TMC1: variants seen among roughly 807,000 people sequenced by gnomAD.
TMC1 encodes the protein transmembrane channel-like protein 1.
TMC1 carries 84 observed loss-of-function variants against 105.8 expected under a neutral mutation model. The observed-to-expected ratio is 0.79, with a 90% CI of 0.67 to 0.95. TMC1 has a LOEUF of 0.95. Ranked by LOEUF, TMC1 falls within the 40% of genes least tolerant of loss-of-function variation. The pLI is 0.00. For missense variants in TMC1, 817 were observed against 914.1 expected (o/e 0.89, Z 1.37); for synonymous variants, 315 against 311.5 (o/e 1.01, Z -0.12).
At chr9:72,554,151 G>A (rs1041256216) in intron 1 of TMC1, among the ~76,000 whole-genome samples, 5 of 151,944 alleles carry the variant, frequency 3.3e-5, no homozygotes, top group Non-Finnish European at 7.4e-5. Flanking sequence ...AAGCACTGAC[G>A]GATTTATTCT....
At chr9:72,711,227 T>C (rs1826829953) in intron 8 of TMC1, among the ~76,000 whole-genome samples, 1 of 152,212 alleles carries the variant, frequency 6.6e-6, no homozygotes, top group Non-Finnish European at 1.5e-5. Flanking sequence ...GCAGTAAACA[T>C]ACGTGTGCAT....
intron 14 of TMC1, 80 bp from the exon 15 acceptor site, chr9:72,789,043 T>C: frequency 7.3e-7 from 1 of 1,370,506 alleles, no homozygotes; most frequent in South Asian, 1.2e-5. Context: ...AAATAACTTT[T>C]GAGGTTTTGA....
intron 23 of TMC1, among the ~76,000 whole-genome samples, chr9:72,834,714 A>T (rs1371359456): frequency 6.6e-6 from 1 of 151,734 alleles, no homozygotes; most frequent in Non-Finnish European, 1.5e-5. Flanking sequence ...TCTCTGTTTT[A>T]CTCTTTTTAG....
At chr9:72,792,427 G>A in intron 17 of TMC1, 75 bp downstream of exon 17, 2 of 1,586,116 alleles carry the variant, frequency 1.3e-6, no homozygotes, top group Non-Finnish European at 1.7e-6. Flanking sequence ...CATAAGATTG[G>A]CTTTTAAAAA....
At chr9:72,532,507 C>T (rs1226616663) in intron 1 of TMC1, among the ~76,000 whole-genome samples, 2 of 135,444 alleles carry the variant, frequency 1.5e-5, no homozygotes, top group Admixed American at 1.7e-4. Context: ...TGCCACTGTA[C>T]TCCAGCCTGG....
chr9:72,577,703 A>G (rs1378818020), intron 1 of TMC1, 199 bp from the exon 2 acceptor site: 2 of 151,812 alleles, frequency 1.3e-5, no homozygotes, highest in African/African-American at 4.8e-5. Flanking sequence ...AGTATCCGGC[A>G]TATTGTGTGG....
intron 2 of TMC1, among the ~76,000 whole-genome samples, chr9:72,606,743 A>G (rs1824920360): frequency 6.6e-6 from 1 of 152,150 alleles, no homozygotes; most frequent in Non-Finnish European, 1.5e-5. Context: ...CTAAATAAAA[A>G]GCACCAGGAG....
At chr9:72,824,976 T>C (rs1296683366) in intron 20 of TMC1, among the ~76,000 whole-genome samples, 1 of 152,232 alleles carries the variant, frequency 6.6e-6, no homozygotes, top group East Asian at 1.9e-4. Flanking sequence ...GGTTTTTTAG[T>C]ATTAAAAGTT....
At chr9:72,580,785 T>G (rs572686664) in intron 2 of TMC1, among the ~76,000 whole-genome samples, 1 of 152,322 alleles carries the variant, frequency 6.6e-6, no homozygotes, top group East Asian at 1.9e-4. Context: ...AAAATTCCAT[T>G]TAACATTAAA....
chr9:72,622,194 C>A (rs566156249), intron 3 of TMC1, among the ~76,000 whole-genome samples: 6 of 152,324 alleles, frequency 3.9e-5, no homozygotes, highest in African/African-American at 1.4e-4. Flanking sequence ...TTCAGCCTGT[C>A]CATACCCTCC....
intron 2 of TMC1, among the ~76,000 whole-genome samples, chr9:72,587,157 TA>T (rs1296524127): frequency 7.8e-6 from 1 of 128,336 alleles, no homozygotes; most frequent in Non-Finnish European, 1.6e-5. Context: ...ATGTAACAGA[TA>T]ACTTTTTTTT....
In TMC1 at chr9:72,788,415, T is replaced by C. The variant is rs1298947515; in HGVS notation, c.961T>C (p.Trp321Arg). ...TTTCAGCTGGAAGGTCTTTACCAGC[T>C]GGGACTACCTGATCGGCAATCCTGA... ...FNFSWKVFTS[W>R]DYLIGNPETA... Residue 321 changes from tryptophan to arginine, a missense_variant, in exon 14 of 24, where the codon TGG becomes CGG. By Grantham distance (101) the Trp-to-Arg change is moderately radical (BLOSUM62 -3). Transcript: ENST00000297784. 3 of 1,613,930 alleles carry C rather than the reference T, an allele frequency of 1.9e-6. No individual in the cohort carries two copies. The African/African-American group carries it at 4.0e-5, about 22-fold the overall frequency.
In TMC1 at chr9:72,751,935, T is replaced by A. The variant is rs1827586458; in HGVS notation, c.621T>A (p.Phe207Leu). Residue 207 changes from phenylalanine to leucine, a missense_variant, in exon 11 of 24, where the codon TTT becomes TTA. Physicochemically the swap from Phe to Leu is conservative, Grantham distance 22 (BLOSUM62 0). Transcript: ENST00000297784. Reference protein sequence around the residue: ...GVNMVLFILTFSLIMLPEYLW... With the variant: ...GVNMVLFILTLSLIMLPEYLW... ...ATATGGTTCTCTTTATCCTGACATT[T>A]AGCCTCATCATGTTGCCAGAGGTGA... 1 of 1,611,832 alleles carries A rather than the reference T, an allele frequency of 6.2e-7. No homozygotes were observed. The highest frequency in any genetic ancestry group is 1.1e-5 in the South Asian group (1 of 91,042).
At chr9:72,626,549 G>C (rs1389548622) in intron 3 of TMC1, among the ~76,000 whole-genome samples, 2 of 152,248 alleles carry the variant, frequency 1.3e-5, no homozygotes, top group Non-Finnish European at 2.9e-5. Context: ...CAAGGAGACA[G>C]AGAAGGAGTG....
At chr9:72,578,627 C>T (rs12344734) in intron 2 of TMC1, among the ~76,000 whole-genome samples, 29 of 152,078 alleles carry the variant, frequency 1.9e-4, no homozygotes, top group South Asian at 1.9e-3. Flanking sequence ...TGTGCTCTGA[C>T]GAGCTAGTGA....
intron 3 of TMC1, among the ~76,000 whole-genome samples, chr9:72,624,363 C>T (rs1458194240): frequency 1.3e-5 from 2 of 152,102 alleles, no homozygotes; most frequent in Non-Finnish European, 2.9e-5. Context: ...GTGAGATCTG[C>T]TTTGTGTTTA....
At chr9:72,750,166 G>A (rs1038037557) in intron 10 of TMC1, among the ~76,000 whole-genome samples, 3 of 152,128 alleles carry the variant, frequency 2.0e-5, no homozygotes, top group African/African-American at 7.2e-5. Context: ...ACTGTCCTGT[G>A]AGGCCGGCCT....
chr9:72,682,718 A>C (rs952526517), intron 5 of TMC1, among the ~76,000 whole-genome samples: 2 of 152,204 alleles, frequency 1.3e-5, no homozygotes, highest in Non-Finnish European at 2.9e-5. Context: ...GTGTTATCAT[A>C]AATTCAGAGT....
chr9:72,786,465 AAAACAAAAC>A (rs1332478627), intron 13 of TMC1, among the ~76,000 whole-genome samples: 2 of 152,104 alleles, frequency 1.3e-5, no homozygotes, highest in African/African-American at 2.4e-5. Context: ...AACAAAAACA[AAAACAAAAC>A]AAACAAAAAG....
Sources: gnomAD v4.1 joint callset for allele counts (sites outside exome capture counted in the v4.1 genomes callset) on GRCh38, gnomAD v4.1.1 for gene constraint, MANE v1.5 for transcripts, NCBI Gene and HGNC (gene_info 2026-07-23, HGNC 2026-07-21) for gene names.